Variants in UGT1A7 observed in about 807,000 individuals in gnomAD.
The protein encoded by UGT1A7 is UDP glucuronosyltransferase family 1 member A7, also known as UDP-glucuronosyltransferase 1A7.
UGT1A7 carries 33 observed loss-of-function variants against 45.6 expected under a neutral mutation model. The observed-to-expected ratio is 0.72, with a 90% CI of 0.55 to 0.97. The LOEUF is 0.97. Ranked by LOEUF, UGT1A7 falls within the 50% of genes least tolerant of loss-of-function variation. The pLI, the probability that UGT1A7 is intolerant of heterozygous loss-of-function variation, is 0.00. For missense variants in UGT1A7, 684 were observed against 666.2 expected (o/e 1.03, Z -0.29); for synonymous variants, 274 against 250.6 (o/e 1.09, Z -0.88).
At chr2:233,729,361 A>G (rs781679584) in intron 1 of UGT1A7, 50 of 1,613,972 alleles carry the variant, frequency 3.1e-5, no homozygotes, top group Non-Finnish European at 3.8e-5. Flanking sequence ...CACCCTGACA[A>G]CCTATGCCAT....
intron 1 of UGT1A7, chr2:233,717,716 G>A (rs2076600817): frequency 2.2e-6 from 1 of 453,938 alleles, no homozygotes; most frequent in Admixed American, 2.4e-5. Flanking sequence ...GAGCCTCATG[G>A]GCATGAGACC....
intron 1 of UGT1A7, among the ~76,000 whole-genome samples, chr2:233,715,150 T>A (rs1370902916): frequency 6.6e-6 from 1 of 152,132 alleles, no homozygotes; most frequent in Non-Finnish European, 1.5e-5. Flanking sequence ...CCTGCCAAAG[T>A]GCTGGAATTA....
At chr2:233,758,862 T>C (rs1697002343) in intron 1 of UGT1A7, among the ~76,000 whole-genome samples, 2 of 152,226 alleles carry the variant, frequency 1.3e-5, no homozygotes. Flanking sequence ...GGCTGCACAA[T>C]ACTTGCCCCA....
chr2:233,739,170 A>G (rs1447136581), intron 1 of UGT1A7: 1 of 152,280 alleles, frequency 6.6e-6, no homozygotes, highest in Non-Finnish European at 1.5e-5. Context: ...TAGAGGATGT[A>G]AGGAAATGCT....
intron 1 of UGT1A7, chr2:233,747,968 A>G: frequency 6.2e-7 from 1 of 1,613,402 alleles, no homozygotes; most frequent in African/African-American, 1.3e-5. Context: ...TCAGCCATGC[A>G]TCTGTGTGGC....
chr2:233,698,244 A>G (rs951400538), intron 1 of UGT1A7, among the ~76,000 whole-genome samples: 3 of 152,206 alleles, frequency 2.0e-5, no homozygotes, highest in South Asian at 2.1e-4. Flanking sequence ...TCAAAATAGA[A>G]TTTCTTTTGT....
intron 1 of UGT1A7, 29 bp from the exon 2 acceptor site, chr2:233,767,005 T>C: frequency 6.2e-7 from 1 of 1,613,726 alleles, no homozygotes; most frequent in African/African-American, 1.3e-5. Flanking sequence ...TGAGAAAAAA[T>C]TAACTGAAAA....
At position 233,752,043 on chromosome 2, in the gene UGT1A7, T is replaced by C. The variant is rs1333661781; in HGVS notation, c.856-14991T>C. Among the ~76,000 whole-genome samples the C allele has an allele frequency of 2.0e-5, 3 of 152,216 alleles. No homozygotes were observed. The South Asian group carries it at 6.2e-4, about 32-fold the overall frequency. ...AGAAATTCCTAGAAAGGTAAGCTGT[T>C]GTGTGAATGATTTCCCGAGATGGGG... On this transcript the variant is annotated intron_variant, in intron 1 of 4. Coordinates refer to ENST00000373426, the MANE Select transcript of UGT1A7 (RefSeq NM_019077.3).
chr2:233,763,903 G>A lies in UGT1A7; in HGVS notation c.856-3131G>A, dbSNP rs779915264. The stretch of plus-strand genomic sequence containing the variant: ...AGAAAAATAACTAAACAGAAGATTA[G>A]TGAGGACCAAGGCTTCGAGATGGCC... On this transcript the variant is annotated intron_variant, in intron 1 of 4. Coordinates refer to ENST00000373426, the MANE Select transcript of UGT1A7 (RefSeq NM_019077.3). 3.3e-5 allele frequency among the ~76,000 whole-genome samples: 5 copies of A among 152,300 alleles called. No individual in the cohort carries two copies. In the South Asian group the frequency reaches 1.0e-3, roughly 32 times the overall value.
chr2:233,687,101 G>A (rs6736508), intron 1 of UGT1A7, among the ~76,000 whole-genome samples: 59,808 of 152,056 alleles, frequency 0.39, 11,951 homozygotes, highest in South Asian at 0.45. Flanking sequence ...TGACACTTGC[G>A]TAAACTTGGG....
At chr2:233,714,093 T>C (rs1575506008) in intron 1 of UGT1A7, among the ~76,000 whole-genome samples, 1 of 152,008 alleles carries the variant, frequency 6.6e-6, no homozygotes, top group East Asian at 1.9e-4. Context: ...TGTCAAAGGA[T>C]GGGCAAGAGT....
Position 233,752,817 on chromosome 2 carries a change from T to G in UGT1A7, c.856-14217T>G, listed in dbSNP as rs569255624. On this transcript the variant is annotated intron_variant, in intron 1 of 4. Transcript: ENST00000373426. ...CTTCTGTAGAAGGAACACTTCCCAT[T>G]TATGACATCAGTAATCTAGGATATA... Among the ~76,000 whole-genome samples the G allele has an allele frequency of 2.6e-5, 4 of 152,306 alleles. No individual in the cohort carries two copies. The East Asian group carries it at 7.7e-4, about 29-fold the overall frequency.
At chr2:233,739,371 G>C (rs1691070576) in intron 1 of UGT1A7, among the ~76,000 whole-genome samples, 1 of 152,184 alleles carries the variant, frequency 6.6e-6, no homozygotes. Flanking sequence ...AGCTTGCACT[G>C]TGTGCCTGGA....
chr2:233,690,425 C>T, intron 1 of UGT1A7: 1 of 1,246,722 alleles, frequency 8.0e-7, no homozygotes, highest in Non-Finnish European at 1.0e-6. Flanking sequence ...CCTTCATGCA[C>T]ATCTTTGGGT....
chr2:233,712,304 GA>G, intron 1 of UGT1A7, among the ~76,000 whole-genome samples: 1 of 152,194 alleles, frequency 6.6e-6, no homozygotes, highest in African/African-American at 2.4e-5. Context: ...TGTAGATGGA[GA>G]ATCCTCAACA....
chr2:233,758,631 T>C (rs1046720713), intron 1 of UGT1A7, among the ~76,000 whole-genome samples: 1 of 152,152 alleles, frequency 6.6e-6, no homozygotes, highest in Non-Finnish European at 1.5e-5. Context: ...AAGTACCTAC[T>C]CTAAGGAGAA....
At chr2:233,747,134 C>G (rs1693570015) in intron 1 of UGT1A7, 6 of 1,538,798 alleles carry the variant, frequency 3.9e-6, no homozygotes, top group Non-Finnish European at 5.3e-6. Flanking sequence ...GGCTCAGTGA[C>G]AAGGTAATTA....
intron 1 of UGT1A7, chr2:233,729,215 A>G (rs766332130): frequency 6.2e-7 from 1 of 1,614,066 alleles, no homozygotes; most frequent in Non-Finnish European, 8.5e-7. Flanking sequence ...GAGAGTGGAA[A>G]GGTGTTGGTG....
chr2:233,694,363 T>C (rs2075217598), intron 1 of UGT1A7, among the ~76,000 whole-genome samples: 1 of 151,732 alleles, frequency 6.6e-6, no homozygotes, highest in Admixed American at 6.6e-5. Context: ...CTAAGAATGG[T>C]TTTTGTAGTT....
Sources: allele counts gnomAD v4.1 joint callset (sites outside exome capture counted in the v4.1 genomes callset), GRCh38; gene constraint gnomAD v4.1.1; transcripts MANE v1.5; gene names NCBI Gene and HGNC (gene_info 2026-07-23, HGNC 2026-07-21).